GMDS: variants seen among roughly 807,000 people sequenced by gnomAD.
The protein encoded by GMDS is GDP-mannose 4,6-dehydratase, also known as GDP-mannose 4,6 dehydratase.
A neutral mutation model predicts 49.9 loss-of-function variants in GMDS; 20 were observed. The ratio of observed to expected loss-of-function variants is 0.40; its 90% confidence interval spans 0.28 to 0.58. The LOEUF (loss-of-function observed/expected upper bound fraction) is 0.58. Among genes scored for constraint, GMDS ranks in the 20% least tolerant of loss-of-function variants. The probability of loss-of-function intolerance (pLI) is 0.42; values close to 1 mark genes in which losing one functional copy is unlikely to be tolerated. For missense variants in GMDS, 362 were observed against 481.4 expected (o/e 0.75, Z 2.32); for synonymous variants, 177 against 178.6 (o/e 0.99, Z 0.07).
rs1236656333 is a variant in GMDS, at chr6:1,623,979, G to T, written c.*190C>A. On this transcript the variant is annotated 3_prime_UTR_variant, in exon 11 of 11. Coordinates refer to ENST00000380815, the MANE Select transcript of GMDS (RefSeq NM_001500.4). Reference sequence around the variant, plus strand: ...CAAACGCAAAGCGACCCAAACCCTGGAGGGTCACATCCCGGCTGCTACAAA... The same window carrying T: ...CAAACGCAAAGCGACCCAAACCCTGTAGGGTCACATCCCGGCTGCTACAAA... 2.2e-5 allele frequency: 12 copies of T among 557,548 alleles called. No individual in the cohort carries two copies. The highest frequency in any genetic ancestry group is 1.3e-5 in the Non-Finnish European group (4 of 314,002). The allele number at this position is 557,548 out of a possible 1,614,324, so 34.5% of individuals were successfully genotyped here. A position where few individuals can be genotyped will look rare whatever the true frequency, so the allele number is the denominator to read the frequency against.
chr6:2,117,277 A>G lies in GMDS; in HGVS notation c.235+192T>C, dbSNP rs546370732. Among the ~76,000 whole-genome samples, 25 of 152,268 alleles carry G rather than the reference A, an allele frequency of 1.6e-4. No individual in the cohort carries two copies. In the East Asian group the frequency reaches 4.2e-3, roughly 26 times the overall value. The stretch of plus-strand genomic sequence containing the variant: ...CTTCTAACAGCCAAACCATCATGAC[A>G]CTACGGCCTAGGGCAGTGAGCAGGG... On this transcript the variant is annotated intron_variant, in intron 3 of 10. Coordinates refer to ENST00000380815, the MANE Select transcript of GMDS (RefSeq NM_001500.4).
chr6:1,704,290 C>T (rs967818013), intron 9 of GMDS, among the ~76,000 whole-genome samples: 43 of 117,278 alleles, frequency 3.7e-4, no homozygotes, highest in African/African-American at 1.3e-3. Context: ...AGATTCAAGG[C>T]GGGGTGGGTG....
intron 9 of GMDS, among the ~76,000 whole-genome samples, chr6:1,676,221 A>T (rs1379622071): frequency 6.6e-6 from 1 of 152,264 alleles, no homozygotes; most frequent in East Asian, 1.9e-4. Flanking sequence ...AATCCAACTT[A>T]CAAGGAATGT....
intron 9 of GMDS, among the ~76,000 whole-genome samples, chr6:1,685,074 T>C (rs1428615259): frequency 6.6e-6 from 1 of 151,934 alleles, no homozygotes. Context: ...TTAACACTTG[T>C]AAAGCACCTT....
chr6:1,921,614 T>G (rs3800136), intron 7 of GMDS, among the ~76,000 whole-genome samples: 29,399 of 152,136 alleles, frequency 0.19, 3,081 homozygotes, highest in African/African-American at 0.28. Context: ...GAAAATGGTT[T>G]TTTGCTTAAT....
At chr6:1,734,521 C>T (rs2113464404) in intron 8 of GMDS, among the ~76,000 whole-genome samples, 1 of 152,342 alleles carries the variant, frequency 6.6e-6, no homozygotes, top group South Asian at 2.1e-4. Context: ...GCCAAGACTG[C>T]CAAGCCAGGC....
chr6:2,215,806 G>A (rs1780308315), intron 1 of GMDS, among the ~76,000 whole-genome samples: 1 of 152,168 alleles, frequency 6.6e-6, no homozygotes. Flanking sequence ...GACAATTAGT[G>A]AAATCTGAAC....
At chr6:1,878,534 C>G (rs1478831350) in intron 7 of GMDS, among the ~76,000 whole-genome samples, 1 of 152,068 alleles carries the variant, frequency 6.6e-6, no homozygotes, top group Non-Finnish European at 1.5e-5. Flanking sequence ...ATGCGACATT[C>G]ATTCCGGTGG....
chr6:1,704,825 C>A (rs1765673580), intron 9 of GMDS, among the ~76,000 whole-genome samples: 1 of 141,784 alleles, frequency 7.1e-6, no homozygotes, highest in South Asian at 2.2e-4. Context: ...GCTATGACAG[C>A]ATTTGTTCTA....
chr6:2,207,782 T>C (rs1287365471), intron 1 of GMDS, among the ~76,000 whole-genome samples: 2 of 151,886 alleles, frequency 1.3e-5, no homozygotes, highest in Non-Finnish European at 2.9e-5. Flanking sequence ...GTCCTGCCCA[T>C]TTGAAGTTTC....
intron 9 of GMDS, among the ~76,000 whole-genome samples, chr6:1,644,176 C>CTCT (rs1763417881): frequency 6.6e-6 from 1 of 152,246 alleles, no homozygotes; most frequent in Admixed American, 6.5e-5. Flanking sequence ...TGAGGATCCA[C>CTCT]TCTTCCTCCA....
intron 4 of GMDS, among the ~76,000 whole-genome samples, chr6:2,078,626 T>C (rs754753743): frequency 1.1e-4 from 16 of 152,094 alleles, no homozygotes; most frequent in Non-Finnish European, 2.4e-4. Flanking sequence ...TCTGAGGACA[T>C]AGTTGATATG....
rs527554308 is a variant in GMDS, at chr6:1,909,482, C to T, written c.771+20621G>A. On this transcript the variant is annotated intron_variant, in intron 7 of 10. Transcript: ENST00000380815. ...TTACTTTAGAAATCCTGGGATTCTC[C>T]GGGTTGCAACAGGATCTTGCTGTGA... Among the ~76,000 whole-genome samples the T allele has an allele frequency of 3.9e-5, 6 of 152,280 alleles. No homozygotes were observed. The South Asian group carries it at 6.2e-4, about 16-fold the overall frequency.
chr6:2,004,664 TACC>T (rs1767046150), intron 4 of GMDS, among the ~76,000 whole-genome samples: 1 of 152,090 alleles, frequency 6.6e-6, no homozygotes, highest in Non-Finnish European at 1.5e-5. Context: ...TAGCGGGTGA[TACC>T]ACAACTTGAG....
intron 9 of GMDS, among the ~76,000 whole-genome samples, chr6:1,656,171 C>A (rs974134755): frequency 1.3e-5 from 2 of 152,190 alleles, no homozygotes; most frequent in Non-Finnish European, 2.9e-5. Flanking sequence ...TTTTCCAAAA[C>A]TTAGCCCATT....
At chr6:1,956,810 T>C (rs915836675) in intron 6 of GMDS, among the ~76,000 whole-genome samples, 71 of 149,342 alleles carry the variant, frequency 4.8e-4, no homozygotes, top group Admixed American at 3.7e-3. Flanking sequence ...TCAAAATCAT[T>C]TATTAGCTTT....
At chr6:1,894,539 T>C (rs1443856470) in intron 7 of GMDS, among the ~76,000 whole-genome samples, 1 of 152,220 alleles carries the variant, frequency 6.6e-6, no homozygotes, top group Non-Finnish European at 1.5e-5. Context: ...GTGCTTTCTT[T>C]ACAGTTTCAA....
chr6:2,146,050 G>A (rs1181301987), intron 1 of GMDS, among the ~76,000 whole-genome samples: 2 of 152,186 alleles, frequency 1.3e-5, no homozygotes, highest in Non-Finnish European at 2.9e-5. Flanking sequence ...TCACATGAAA[G>A]ATCCTGAGTT....
rs185509367 is a variant in GMDS at position 2,196,989 on chromosome 6, G to A, written c.102+48332C>T. ...TGTCAAAAAGCCAGTGAAAATTTAA[G>A]CCTTTTAACTAGTAAAAGGGTTGCA... On this transcript the variant is annotated intron_variant, in intron 1 of 10. Transcript: ENST00000380815. 9.2e-3 allele frequency among the ~76,000 whole-genome samples: 1,397 copies of A among 152,306 alleles called. 85 individuals are homozygous for A. The highest frequency in any genetic ancestry group is 0.083 in the Admixed American group (1,266 of 15,290).
Sources: gnomAD v4.1 joint callset for allele counts (sites outside exome capture counted in the v4.1 genomes callset) on GRCh38, gnomAD v4.1.1 for gene constraint, MANE v1.5 for transcripts, NCBI Gene and HGNC (gene_info 2026-07-23, HGNC 2026-07-21) for gene names.